Variants in ATP8B4 observed in about 807,000 individuals in gnomAD.
ATP8B4 encodes the protein probable phospholipid-transporting ATPase IM.
A neutral mutation model predicts 145.6 loss-of-function variants in ATP8B4; 133 were observed. The observed-to-expected ratio is 0.91, with a 90% CI of 0.79 to 1.05. ATP8B4 has a LOEUF of 1.05. ATP8B4 is among the 50% of genes least tolerant of loss of function. The pLI, the probability that ATP8B4 is intolerant of heterozygous loss-of-function variation, is 0.00. For missense variants in ATP8B4, 1,458 were observed against 1,425.2 expected, an observed-to-expected ratio of 1.02 and a Z score of -0.37; for synonymous variants, 507 against 492.9, an observed-to-expected ratio of 1.03 and a Z score of -0.38.
intron 24 of ATP8B4, among the ~76,000 whole-genome samples, chr15:49,876,984 A>G (rs2034546256): frequency 6.6e-6 from 1 of 152,182 alleles, no homozygotes; most frequent in African/African-American, 2.4e-5. Context: ...AGAATTGTCA[A>G]ATCAGAGCTC....
intron 2 of ATP8B4, among the ~76,000 whole-genome samples, chr15:50,086,766 C>T (rs2055146340): frequency 4.7e-5 from 2 of 42,376 alleles, no homozygotes; most frequent in Admixed American, 3.1e-4. Flanking sequence ...TAATAGAGAT[C>T]TATATTATTA....
intron 3 of ATP8B4, among the ~76,000 whole-genome samples, chr15:50,052,629 T>C (rs1385224478): frequency 2.0e-5 from 3 of 152,094 alleles, no homozygotes; most frequent in African/African-American, 7.2e-5. Flanking sequence ...AGTAATGGAG[T>C]TGGGAGAGAG....
chr15:49,883,233 A>G (rs1167433374), intron 23 of ATP8B4: 1 of 152,126 alleles, frequency 6.6e-6, no homozygotes, highest in Non-Finnish European at 1.5e-5. Flanking sequence ...AAGAAGAGAG[A>G]AAGAATCTGA....
intron 7 of ATP8B4, among the ~76,000 whole-genome samples, chr15:50,006,110 T>C: frequency 6.6e-6 from 1 of 152,126 alleles, no homozygotes; most frequent in South Asian, 2.1e-4. Flanking sequence ...AAAATTTAAA[T>C]TTCAGGTCCA....
chr15:49,955,634 A>G (rs1567072453), intron 14 of ATP8B4, among the ~76,000 whole-genome samples: 1 of 152,250 alleles, frequency 6.6e-6, no homozygotes, highest in Non-Finnish European at 1.5e-5. Context: ...ATGTCCATGA[A>G]TAGACAAACA....
intron 6 of ATP8B4, 82 bp downstream of exon 6, chr15:50,038,686 T>C (rs2051026604): frequency 1.9e-6 from 2 of 1,075,748 alleles, no homozygotes; most frequent in South Asian, 1.4e-5. Flanking sequence ...TGTATCTAAT[T>C]AAAAGAGAAA....
At chr15:50,101,255 G>A (rs2056334065) in intron 2 of ATP8B4, among the ~76,000 whole-genome samples, 1 of 152,098 alleles carries the variant, frequency 6.6e-6, no homozygotes, top group Admixed American at 6.6e-5. Flanking sequence ...ATGTGGGTAT[G>A]CAGGAGAATG....
At chr15:50,060,650 C>T (rs1045176984) in intron 3 of ATP8B4, among the ~76,000 whole-genome samples, 2 of 152,176 alleles carry the variant, frequency 1.3e-5, no homozygotes, top group South Asian at 2.1e-4. Context: ...CCCACCACCA[C>T]CTCTTTGCTT....
At chr15:50,067,567 A>G (rs529455192) in intron 3 of ATP8B4, among the ~76,000 whole-genome samples, 11 of 152,274 alleles carry the variant, frequency 7.2e-5, no homozygotes, top group Middle Eastern at 3.4e-3. Context: ...AGGCCACATC[A>G]CAAAATTAGA....
intron 20 of ATP8B4, among the ~76,000 whole-genome samples, chr15:49,914,675 C>CA (rs1269551366): frequency 1.3e-5 from 2 of 152,058 alleles, no homozygotes; most frequent in Non-Finnish European, 2.9e-5. Context: ...AGACATTTCT[C>CA]AAAATAAGAC....
chr15:50,158,822 C>T (rs1470233453), intron 1 of ATP8B4, among the ~76,000 whole-genome samples: 1 of 152,240 alleles, frequency 6.6e-6, no homozygotes, highest in Non-Finnish European at 1.5e-5. Flanking sequence ...CCTGTGCTCT[C>T]TGAAACATGT....
chr15:50,058,392 A>G (rs2052758182), intron 3 of ATP8B4, among the ~76,000 whole-genome samples: 2 of 152,206 alleles, frequency 1.3e-5, no homozygotes, highest in Non-Finnish European at 2.9e-5. Context: ...AAATTAGACC[A>G]TGTTCACACT....
At chr15:49,973,472 G>T (rs2045363372) in intron 12 of ATP8B4, among the ~76,000 whole-genome samples, 1 of 152,130 alleles carries the variant, frequency 6.6e-6, no homozygotes, top group African/African-American at 2.4e-5. Flanking sequence ...TACATTGTTT[G>T]ATGTGGCTTC....
chr15:50,013,256 T>G (rs1449337170), intron 6 of ATP8B4, among the ~76,000 whole-genome samples: 2 of 152,110 alleles, frequency 1.3e-5, no homozygotes, highest in African/African-American at 4.8e-5. Flanking sequence ...GCTCTACATG[T>G]GTGATGCAGC....
At chr15:50,059,907 C>T (rs1351901691) in intron 3 of ATP8B4, among the ~76,000 whole-genome samples, 1 of 152,068 alleles carries the variant, frequency 6.6e-6, no homozygotes, top group East Asian at 1.9e-4. Flanking sequence ...TGGCCTGAGC[C>T]CTTTTTTAGA....
At chr15:49,959,958 G>A (rs2043917423) in intron 14 of ATP8B4, among the ~76,000 whole-genome samples, 1 of 150,598 alleles carries the variant, frequency 6.6e-6, no homozygotes, top group Non-Finnish European at 1.5e-5. Context: ...AGAAATCTAG[G>A]GGAAAAAAAG....
intron 23 of ATP8B4, among the ~76,000 whole-genome samples, chr15:49,884,215 AAGTGTC>A (rs2035865280): frequency 1.3e-5 from 2 of 152,126 alleles, no homozygotes; most frequent in African/African-American, 4.8e-5. Context: ...CCAGCCAAGC[AAGTGTC>A]AGAGCTAACT....
intron 5 of ATP8B4, among the ~76,000 whole-genome samples, chr15:50,043,119 G>T (rs965310216): frequency 3.9e-5 from 6 of 152,188 alleles, no homozygotes; most frequent in African/African-American, 1.4e-4. Flanking sequence ...TGAGCTCAGA[G>T]GAGTGACTTG....
chr15:50,043,265 G>A (rs1600027994), intron 5 of ATP8B4, among the ~76,000 whole-genome samples: 2 of 152,294 alleles, frequency 1.3e-5, no homozygotes, highest in African/African-American at 2.4e-5. Context: ...GTCTTTGAGT[G>A]AGAATGACTT....
Sources: gnomAD v4.1 joint callset for allele counts (sites outside exome capture counted in the v4.1 genomes callset) on GRCh38, gnomAD v4.1.1 for gene constraint, MANE v1.5 for transcripts, NCBI Gene and HGNC (gene_info 2026-07-23, HGNC 2026-07-21) for gene names.